The following SYT11 variants were observed in gnomAD, a reference collection of about 807,000 sequenced individuals.
SYT11 encodes the protein synaptotagmin-11.
SYT11 carries 12 observed loss-of-function variants against 30.4 expected under a neutral mutation model. That is an observed-to-expected ratio of 0.39 (90% CI 0.25 to 0.64). The LOEUF is 0.64. Among genes scored for constraint, SYT11 ranks in the 30% least tolerant of loss-of-function variants. SYT11 has a pLI of 0.45. For synonymous variants in SYT11, 204 were observed against 216.0 expected (o/e 0.94, Z 0.49); for missense variants, 412 against 552.0 (o/e 0.75, Z 2.54).
intron 1 of SYT11, among the ~76,000 whole-genome samples, chr1:155,865,563 G>C (rs1672658928): frequency 6.6e-6 from 1 of 151,888 alleles, no homozygotes; most frequent in African/African-American, 2.4e-5. Flanking sequence ...TGGAGGCGGA[G>C]GTTGCGGTGA....
intron 2 of SYT11, among the ~76,000 whole-genome samples, chr1:155,876,713 C>T (rs555121564): frequency 1.3e-5 from 2 of 152,280 alleles, no homozygotes; most frequent in Non-Finnish European, 2.9e-5. Flanking sequence ...TATTTTACCT[C>T]CATGTCCATC....
rs1376377407 is a variant in SYT11, at chr1:155,868,314, T to C, written c.384T>C (p.Tyr128=). ...CIDQLPIKMD[Y]GEELRSPITS... The stretch of plus-strand genomic sequence containing the variant: ...ACCAATTACCCATCAAAATGGACTA[T>C]GGGGAAGAACTAAGGAGCCCTATTA... The change falls in exon 2 of 4, where the codon TAT becomes TAC. Residue 128 remains tyrosine, a synonymous_variant. Coordinates refer to ENST00000368324, the MANE Select transcript of SYT11 (RefSeq NM_152280.5). The surrounding 1 kb of genome is among the most constrained non-coding windows in gnomAD (Gnocchi z 4.7). 2 of 1,614,036 alleles carry C rather than the reference T, an allele frequency of 1.2e-6. No individual in the cohort carries two copies. The highest frequency in any genetic ancestry group is 1.7e-6 in the Non-Finnish European group (2 of 1,180,000).
intron 2 of SYT11, among the ~76,000 whole-genome samples, chr1:155,870,869 T>G (rs966009608): frequency 8.7e-6 from 1 of 114,366 alleles, no homozygotes; most frequent in Admixed American, 1.1e-4. Flanking sequence ...TACTGCCACC[T>G]GGCACACTCA....
chr1:155,882,166 A>G lies in SYT11; in HGVS notation c.*658A>G, dbSNP rs1672987022. The G allele has an allele frequency of 6.6e-6, 1 of 152,128 alleles. No individual in the cohort carries two copies. The highest frequency in any genetic ancestry group is 1.5e-5 in the Non-Finnish European group (1 of 68,020). The allele number at this position is 152,128 out of a possible 1,614,324, so 9.4% of individuals were successfully genotyped here. A position where few individuals can be genotyped will look rare whatever the true frequency, so the allele number is the denominator to read the frequency against. ...AGAAATTAGCCTAACTGCCAATATC[A>G]AGTTGCAGATTTTAATCCATGGAAA... is the stretch of plus-strand genomic sequence containing the variant. On this transcript the variant is annotated 3_prime_UTR_variant, in exon 4 of 4. Coordinates refer to ENST00000368324, the MANE Select transcript of SYT11 (RefSeq NM_152280.5).
At position 155,877,640 on chromosome 1, in the gene SYT11, G is replaced by A. The variant is rs1672887097; in HGVS notation, c.862-2860G>A. 2.7e-5 allele frequency among the ~76,000 whole-genome samples: 4 copies of A among 149,050 alleles called. No individual in the cohort carries two copies. The South Asian group carries it at 6.3e-4, about 24-fold the overall frequency. ...GCAATCTCGGCTCACTGCAAGCTCC[G>A]CCTCCCGGGTTCACGCCATTCTCCT... is the stretch of plus-strand genomic sequence containing the variant. On this transcript the variant is annotated intron_variant, in intron 2 of 3. Coordinates refer to ENST00000368324, the MANE Select transcript of SYT11 (RefSeq NM_152280.5).
rs1015519649 is a variant in SYT11 at position 155,862,973 on chromosome 1, T to G, written c.34+3178T>G. Among the ~76,000 whole-genome samples the G allele has an allele frequency of 2.6e-5, 4 of 152,190 alleles. No individual in the cohort carries two copies. In the South Asian group the frequency reaches 6.2e-4, roughly 24 times the overall value. The stretch of plus-strand genomic sequence containing the variant: ...AAGAGACTCTTGAGGGATTCAAAGA[T>G]CCATAGGATATTGTTCCTGCCTGCC... On this transcript the variant is annotated intron_variant, in intron 1 of 3. Coordinates refer to ENST00000368324, the MANE Select transcript of SYT11 (RefSeq NM_152280.5).
intron 2 of SYT11, among the ~76,000 whole-genome samples, chr1:155,870,320 G>T (rs1672761639): frequency 6.6e-6 from 1 of 152,210 alleles, no homozygotes; most frequent in South Asian, 2.1e-4. Flanking sequence ...AGAGTAGGAT[G>T]ATGATTTTAT....
chr1:155,870,311 G>T (rs1672761584), intron 2 of SYT11, among the ~76,000 whole-genome samples: 1 of 152,246 alleles, frequency 6.6e-6, no homozygotes, highest in Non-Finnish European at 1.5e-5. Flanking sequence ...TATGGGAATA[G>T]AGTAGGATGA....
chr1:155,868,368 C>G lies in SYT11; in HGVS notation c.438C>G (p.Thr146=). 1 of 1,613,994 alleles carries G rather than the reference C, an allele frequency of 6.2e-7. No individual in the cohort carries two copies. Among genetic ancestry groups the G allele is most frequent in the Non-Finnish European group, 8.5e-7 (1 of 1,180,012 alleles). The part of the protein sequence containing the change: ...ITSLTPGESK[T]TSPSSPEEDV... The stretch of plus-strand genomic sequence containing the variant: ...GCCTGACCCCTGGGGAGAGCAAAAC[C>G]ACCTCTCCATCATCTCCAGAGGAGG... The change falls in exon 2 of 4, where the codon ACC becomes ACG. Residue 146 remains threonine, a synonymous_variant. Coordinates refer to ENST00000368324, the MANE Select transcript of SYT11 (RefSeq NM_152280.5). The surrounding 1 kb of genome is among the most constrained non-coding windows in gnomAD (Gnocchi z 4.7).
At chr1:155,878,117 C>G (rs1465750534) in intron 2 of SYT11, among the ~76,000 whole-genome samples, 1 of 152,016 alleles carries the variant, frequency 6.6e-6, no homozygotes. Flanking sequence ...TTGGTGCACA[C>G]CTGTAGTCCC....
chr1:155,867,741 A>G (rs1415192411), intron 1 of SYT11, among the ~76,000 whole-genome samples: 1 of 152,198 alleles, frequency 6.6e-6, no homozygotes, highest in African/African-American at 2.4e-5. Context: ...GCTTCAGAGA[A>G]GGCTTTCTAT....
At chr1:155,877,244 A>G (rs540488600) in intron 2 of SYT11, among the ~76,000 whole-genome samples, 2 of 152,088 alleles carry the variant, frequency 1.3e-5, no homozygotes, top group African/African-American at 4.8e-5. Flanking sequence ...CTGGGATTAC[A>G]GGTGTGAGCC....
At chr1:155,865,535 G>A (rs1672658385) in intron 1 of SYT11, among the ~76,000 whole-genome samples, 1 of 151,968 alleles carries the variant, frequency 6.6e-6, no homozygotes, top group African/African-American at 2.4e-5. Flanking sequence ...GGCTGAGGCA[G>A]GAGAATTGCT....
rs147787530 is a variant in SYT11 at position 155,881,419 on chromosome 1, G to A, written c.1207G>A (p.Val403Ile). 9.9e-5 allele frequency: 159 copies of A among 1,614,006 alleles called. No homozygotes were observed. The African/African-American group carries it at 1.8e-3, about 18-fold the overall frequency. The stretch of plus-strand genomic sequence containing the variant: ...GAGGCTGATCCTGGGGGCACACAGT[G>A]TCACAGCCAGTGGTGCTGAACACTG... ...VGRLILGAHS[V>I]TASGAEHWRE... The change falls in exon 4 of 4, where the codon GTC becomes ATC. Residue 403 changes from valine (V) to isoleucine (I), a missense_variant. Physicochemically the swap from Val to Ile is conservative, Grantham distance 29 (BLOSUM62 3). Transcript: ENST00000368324.
In SYT11 at chr1:155,881,746, G is replaced by T. The variant is rs1486416264; in HGVS notation, c.*238G>T. On this transcript the variant is annotated 3_prime_UTR_variant, in exon 4 of 4. Coordinates refer to ENST00000368324, the MANE Select transcript of SYT11 (RefSeq NM_152280.5). ...TCTTTTATTTTACTTTATTTTTTTT[G>T]AGGTGGAGTTTCGCTCTTGTTGCCC... 3 of 352,946 alleles carry T rather than the reference G, an allele frequency of 8.5e-6. No homozygotes were observed. The highest frequency in any genetic ancestry group is 1.5e-5 in the Non-Finnish European group (3 of 197,126). The allele number at this position is 352,946 out of a possible 1,614,324, so 21.9% of individuals were successfully genotyped here. A position where few individuals can be genotyped will look rare whatever the true frequency, so the allele number is the denominator to read the frequency against.
rs754058437 is a variant in SYT11 at position 155,868,256 on chromosome 1, A to G, written c.326A>G (p.Asp109Gly). The change falls in exon 2 of 4, where the codon GAT becomes GGT. Residue 109 changes from aspartate (D) to glycine (G), a missense_variant. Asp to Gly is a moderately conservative substitution (Grantham distance 94). Coordinates refer to ENST00000368324, the MANE Select transcript of SYT11 (RefSeq NM_152280.5). The surrounding 1 kb of genome is among the most constrained non-coding windows in gnomAD (Gnocchi z 4.7). Reference sequence around the variant, plus strand: ...GCTGGCCTGCTAAGCCGAGACAAAGATCCCAGGGGGCCTAGCTCTGGATCT... The same window carrying G: ...GCTGGCCTGCTAAGCCGAGACAAAGGTCCCAGGGGGCCTAGCTCTGGATCT... ...AEAGLLSRDK[D>G]PRGPSSGSCI... 1 of 1,613,948 alleles carries G rather than the reference A, an allele frequency of 6.2e-7. No individual in the cohort carries two copies. Among genetic ancestry groups the G allele is most frequent in the Non-Finnish European group, 8.5e-7 (1 of 1,179,972 alleles).
chr1:155,881,843 C>T lies in SYT11; in HGVS notation c.*335C>T, dbSNP rs1366162259. On this transcript the variant is annotated 3_prime_UTR_variant, in exon 4 of 4. Transcript: ENST00000368324. ...CTCCAGGTTCAAGTGATTCTCCTCC[C>T]TCAGCCTCCCAAGTAGCTGGGATTA... The T allele has an allele frequency of 6.1e-6, 1 of 164,826 alleles. No individual in the cohort carries two copies. Among genetic ancestry groups the T allele is most frequent in the Middle Eastern group, 2.7e-3 (1 of 374 alleles). 10.2% of individuals were successfully genotyped at this position (164,826 alleles called of 1,614,324 possible).
chr1:155,865,064 G>T (rs565761122), intron 1 of SYT11, among the ~76,000 whole-genome samples: 1 of 152,174 alleles, frequency 6.6e-6, no homozygotes, highest in South Asian at 2.1e-4. Context: ...TGACTCTTTT[G>T]TTCACTGAAC....
chr1:155,863,371 T>G (rs1298099753), intron 1 of SYT11, among the ~76,000 whole-genome samples: 1 of 152,092 alleles, frequency 6.6e-6, no homozygotes, highest in Non-Finnish European at 1.5e-5. Flanking sequence ...TAAGATTGCT[T>G]GAGCCCAGGA....
Sources: allele counts gnomAD v4.1 joint callset (sites outside exome capture counted in the v4.1 genomes callset), GRCh38; gene constraint gnomAD v4.1.1; non-coding constraint Gnocchi (gnomAD v3.1); transcripts MANE v1.5; gene names NCBI Gene and HGNC (gene_info 2026-07-23, HGNC 2026-07-21).